The following ATF7IP variants were observed in gnomAD, a reference collection of about 807,000 sequenced individuals.
ATF7IP encodes the protein activating transcription factor 7-interacting protein 1.
ATF7IP carries 23 observed loss-of-function variants against 106.4 expected under a neutral mutation model. That is an observed-to-expected ratio of 0.22 (90% CI 0.16 to 0.31). The LOEUF (loss-of-function observed/expected upper bound fraction) is 0.31, where lower values mean the gene tolerates loss of function less well. ATF7IP is among the 10% of genes least tolerant of loss of function. ATF7IP has a pLI of 1.00. For missense variants in ATF7IP, 1,334 were observed against 1,524.3 expected, an observed-to-expected ratio of 0.88 and a Z score of 2.08; for synonymous variants, 542 against 539.0, an observed-to-expected ratio of 1.01 and a Z score of -0.08.
rs369581775 is a variant in ATF7IP at position 14,475,997 on chromosome 12, C to T, written c.2941+29C>T. On this transcript the variant is annotated intron_variant, in intron 11 of 14. Transcript: ENST00000261168. ...CTTCAATAGTAATTGTACTAAGCAA[C>T]GTTTTGATACCATTTTTTTTGTCTT... is the stretch of plus-strand genomic sequence containing the variant. 1.1e-4 allele frequency: 171 copies of T among 1,532,548 alleles called. No homozygotes were observed. In the African/African-American group the frequency reaches 1.4e-3, roughly 12 times the overall value. 94.9% of individuals were successfully genotyped at this position (1,532,548 alleles called of 1,614,324 possible). A position where few individuals can be genotyped will look rare whatever the true frequency, so the allele number is the denominator to read the frequency against.
intron 5 of ATF7IP, among the ~76,000 whole-genome samples, 160 bp downstream of exon 5, chr12:14,438,427 G>A (rs548689499): frequency 6.6e-6 from 1 of 152,328 alleles, no homozygotes; most frequent in East Asian, 1.9e-4. Context: ...TAAAGAAAGT[G>A]CAATAAACTG....
At chr12:14,417,373 A>G (rs573038983) in intron 1 of ATF7IP, among the ~76,000 whole-genome samples, 6 of 152,306 alleles carry the variant, frequency 3.9e-5, no homozygotes, top group Admixed American at 2.6e-4. Flanking sequence ...AACACTTCAT[A>G]ATACTATCCC....
intron 5 of ATF7IP, among the ~76,000 whole-genome samples, chr12:14,443,856 T>A (rs1942827765): frequency 6.6e-6 from 1 of 152,170 alleles, no homozygotes. Context: ...TCTAATAGTT[T>A]TCCTTATATC....
intron 1 of ATF7IP, among the ~76,000 whole-genome samples, chr12:14,368,598 A>C (rs1466147638): frequency 6.6e-6 from 1 of 152,210 alleles, no homozygotes; most frequent in Non-Finnish European, 1.5e-5. Flanking sequence ...AGTAATTTGC[A>C]AAATTGATAA....
intron 13 of ATF7IP, among the ~76,000 whole-genome samples, chr12:14,488,644 C>A (rs989123838): frequency 6.6e-6 from 1 of 152,130 alleles, no homozygotes; most frequent in Admixed American, 6.6e-5. Context: ...TAGTATTAAC[C>A]ATCACAAGTC....
At chr12:14,367,891 G>C (rs1050151755) in intron 1 of ATF7IP, among the ~76,000 whole-genome samples, 2 of 151,888 alleles carry the variant, frequency 1.3e-5, no homozygotes, top group African/African-American at 4.8e-5. Flanking sequence ...TAGTTTGGTG[G>C]TTATGATGCC....
At chr12:14,423,876 G>A (rs1157725132) in intron 1 of ATF7IP, 33 bp from the exon 2 acceptor site, 2 of 1,536,356 alleles carry the variant, frequency 1.3e-6, no homozygotes, top group Non-Finnish European at 1.7e-6. Flanking sequence ...TTCTGTTTCA[G>A]TTATTAAACT....
At chr12:14,452,367 ATTG>A (rs1205289630) in intron 6 of ATF7IP, among the ~76,000 whole-genome samples, 2 of 151,900 alleles carry the variant, frequency 1.3e-5, no homozygotes, top group Non-Finnish European at 2.9e-5. Context: ...GAAGGGACTT[ATTG>A]TTGTCATTTT....
chr12:14,425,265 T>C lies in ATF7IP; in HGVS notation c.1350T>C (p.Thr450=), dbSNP rs761750731. The C allele has an allele frequency of 6.3e-7, 1 of 1,598,388 alleles. No homozygotes were observed. The highest frequency in any genetic ancestry group is 8.5e-7 in the Non-Finnish European group (1 of 1,174,422). Residue 450 remains threonine (T), a synonymous_variant, in exon 2 of 15, where the codon ACT becomes ACC. Coordinates refer to ENST00000261168, the MANE Select transcript of ATF7IP (RefSeq NM_018179.5). ...EKLAPSEDEL[T]CFSKTSLLPI... ...TTGCACCTTCTGAGGATGAACTTAC[T>C]TGCTTTTCTAAAACATCTCTCCTTC... is the stretch of plus-strand genomic sequence containing the variant.
chr12:14,478,280 T>C, intron 11 of ATF7IP, 37 bp from the exon 12 acceptor site: 1 of 1,599,358 alleles, frequency 6.3e-7, no homozygotes, highest in Non-Finnish European at 8.6e-7. Context: ...CCTGATTTTT[T>C]TCTTGTCAGT....
Position 14,424,038 on chromosome 12 carries a change from C to G in ATF7IP, c.123C>G (p.Val41=). Residue 41 remains valine, a synonymous_variant, in exon 2 of 15, where the codon GTC becomes GTG. Transcript: ENST00000261168. ...KVKEELLKTD[V]KLLNGNHENG... is the part of the protein sequence containing the mutation. Reference sequence around the variant, plus strand: ...AAGAAGAACTGTTGAAAACTGATGTCAAGCTGTTAAATGGCAACCATGAAA... The same window carrying G: ...AAGAAGAACTGTTGAAAACTGATGTGAAGCTGTTAAATGGCAACCATGAAA... 1.9e-6 allele frequency: 3 copies of G among 1,614,148 alleles called. No individual in the cohort carries two copies. The highest frequency in any genetic ancestry group is 2.5e-6 in the Non-Finnish European group (3 of 1,180,022).
At position 14,475,955 on chromosome 12, in the gene ATF7IP, T is replaced by C. The variant is rs1304375532; in HGVS notation, c.2928T>C (p.Ser976=). 1 of 1,613,262 alleles carries C rather than the reference T, an allele frequency of 6.2e-7. No homozygotes were observed. Among genetic ancestry groups the C allele is most frequent in the Non-Finnish European group, 8.5e-7 (1 of 1,179,446 alleles). The change falls in exon 11 of 15, where the codon AGT becomes AGC. Residue 976 remains serine, a synonymous_variant. Transcript: ENST00000261168. ...VIDLTMDDEE[S]GASQDPKKLN... The stretch of plus-strand genomic sequence containing the variant: ...ATCTCACAATGGATGATGAAGAGAG[T>C]GGAGCTTCACAAGGTACTTCAATAG...
intron 1 of ATF7IP, among the ~76,000 whole-genome samples, chr12:14,397,150 G>A (rs748014370): frequency 3.7e-4 from 56 of 151,998 alleles, no homozygotes; most frequent in Middle Eastern, 3.4e-3. Context: ...CAACAAGAGC[G>A]AAACTCCGTC....
At chr12:14,490,962 G>A (rs1161535294) in intron 13 of ATF7IP, among the ~76,000 whole-genome samples, 2 of 152,006 alleles carry the variant, frequency 1.3e-5, no homozygotes, top group African/African-American at 2.4e-5. Flanking sequence ...CCTTTAACAG[G>A]CCAAGAGCTG....
At chr12:14,410,448 T>C (rs1940852131) in intron 1 of ATF7IP, among the ~76,000 whole-genome samples, 1 of 152,170 alleles carries the variant, frequency 6.6e-6, no homozygotes, top group Non-Finnish European at 1.5e-5. Context: ...TCTGTGCTGG[T>C]ATCACAATGT....
intron 4 of ATF7IP, among the ~76,000 whole-genome samples, chr12:14,436,809 A>G (rs1002232680): frequency 1.3e-5 from 2 of 150,226 alleles, no homozygotes; most frequent in African/African-American, 4.9e-5. Context: ...AAAGGTTATG[A>G]TTATCAAAAC....
rs1168255832 is a variant in ATF7IP, at chr12:14,501,509, A to G, written c.*3436A>G. ...ATCACATACGAAGACGTCTGTTGCT[A>G]ACAGTTAACTTTATGAGGTAACTAT... On this transcript the variant is annotated 3_prime_UTR_variant, in exon 15 of 15. Transcript: ENST00000261168. 1 of 152,220 alleles carries G rather than the reference A, an allele frequency of 6.6e-6. No individual in the cohort carries two copies. The highest frequency in any genetic ancestry group is 1.5e-5 in the Non-Finnish European group (1 of 68,018). 9.4% of individuals were successfully genotyped at this position (152,220 alleles called of 1,614,324 possible).
chr12:14,480,982 T>A (rs768691894), intron 12 of ATF7IP, 21 bp from the exon 13 acceptor site: 31 of 1,609,578 alleles, frequency 1.9e-5, no homozygotes, highest in Non-Finnish European at 2.5e-5. Context: ...ATTCTTAATA[T>A]CTTTTTCTGC....
chr12:14,433,204 A>G (rs1028907852), intron 2 of ATF7IP, among the ~76,000 whole-genome samples: 1 of 152,064 alleles, frequency 6.6e-6, no homozygotes, highest in Admixed American at 6.6e-5. Context: ...TCCTGTCTCT[A>G]CTAAAAATAA....
Sources: gnomAD v4.1 joint callset for allele counts (sites outside exome capture counted in the v4.1 genomes callset) on GRCh38, gnomAD v4.1.1 for gene constraint, MANE v1.5 for transcripts, NCBI Gene and HGNC (gene_info 2026-07-23, HGNC 2026-07-21) for gene names.